Variants in HDX observed in about 807,000 individuals in gnomAD.
The protein encoded by HDX is chromosome X open reading frame 43.
HDX carries 19 observed loss-of-function variants against 45.2 expected under a neutral mutation model. The observed-to-expected ratio is 0.42, with a 90% CI of 0.29 to 0.62. HDX has a LOEUF of 0.62. Among genes scored for constraint, HDX ranks in the 20% least tolerant of loss-of-function variants. The pLI, the probability that HDX is intolerant of heterozygous loss-of-function variation, is 0.20. For missense variants in HDX, 532 were observed against 493.9 expected (o/e 1.08, Z -0.73); for synonymous variants, 188 against 172.8 (o/e 1.09, Z -0.69).
intron 5 of HDX, among the ~76,000 whole-genome samples, chrX:84,380,124 T>C (rs1340673948): frequency 9.1e-6 from 1 of 109,483 alleles, no homozygotes; most frequent in Non-Finnish European, 1.9e-5. Flanking sequence ...ATAGCAGAAA[T>C]GTACAAATTC....
intron 5 of HDX, among the ~76,000 whole-genome samples, chrX:84,435,382 T>C (rs1319107937): frequency 1.8e-5 from 2 of 111,359 alleles, no homozygotes; most frequent in Non-Finnish European, 3.8e-5. Flanking sequence ...TCTGTTCATG[T>C]CCTTTGCCCA....
intron 1 of HDX, among the ~76,000 whole-genome samples, chrX:84,492,715 A>G (rs2040915472): frequency 9.0e-6 from 1 of 111,343 alleles, no homozygotes; most frequent in Admixed American, 9.6e-5. Flanking sequence ...TATGAACCTC[A>G]AATGAAGGAT....
At chrX:84,358,095 G>A (rs1374390532) in intron 6 of HDX, among the ~76,000 whole-genome samples, 2 of 112,004 alleles carry the variant, frequency 1.8e-5, no homozygotes, top group Non-Finnish European at 3.8e-5. Context: ...CATATACATG[G>A]ACTTATACAT....
intron 8 of HDX, among the ~76,000 whole-genome samples, 172 bp downstream of exon 8, chrX:84,336,629 T>A: frequency 1.8e-5 from 2 of 111,731 alleles, no homozygotes; most frequent in South Asian, 7.4e-4. Flanking sequence ...GACAACATTT[T>A]AAATTTTACT....
chrX:84,386,691 G>T (rs1406157462), intron 5 of HDX, among the ~76,000 whole-genome samples: 2 of 111,449 alleles, frequency 1.8e-5, no homozygotes, highest in South Asian at 3.7e-4. Flanking sequence ...GGGATCAGTT[G>T]TAATGTCACT....
At chrX:84,493,728 C>T (rs1009138341) in intron 1 of HDX, among the ~76,000 whole-genome samples, 1 of 111,554 alleles carries the variant, frequency 9.0e-6, no homozygotes, top group Non-Finnish European at 1.9e-5. Flanking sequence ...ATAATATACA[C>T]CTAAAACTAT....
chrX:84,459,334 C>G (rs1168960018), intron 4 of HDX, among the ~76,000 whole-genome samples: 1 of 109,066 alleles, frequency 9.2e-6, no homozygotes, highest in Non-Finnish European at 1.9e-5. Context: ...CCCAGCTGCT[C>G]GGGAGGCTGA....
intron 5 of HDX, among the ~76,000 whole-genome samples, chrX:84,416,926 G>A (rs1311968896): frequency 8.2e-5 from 9 of 110,061 alleles, no homozygotes; most frequent in Non-Finnish European, 1.3e-4. Context: ...AGGCTGAGGC[G>A]GACAGATCAC....
intron 10 of HDX, 91 bp downstream of exon 10, chrX:84,326,087 T>C (rs1251671246): frequency 3.7e-6 from 3 of 813,424 alleles, no homozygotes; most frequent in Admixed American, 2.7e-5. Flanking sequence ...AGAAATGAAG[T>C]ATTAAAATGA....
At chrX:84,333,471 A>G (rs1287115612) in intron 9 of HDX, among the ~76,000 whole-genome samples, 6 of 111,409 alleles carry the variant, frequency 5.4e-5, no homozygotes, top group Non-Finnish European at 1.1e-4. Context: ...GCTTTATAAA[A>G]GCTTTGTCAT....
chrX:84,334,410 A>G (rs999612821), intron 8 of HDX, among the ~76,000 whole-genome samples: 4 of 110,765 alleles, frequency 3.6e-5, no homozygotes, highest in African/African-American at 1.3e-4. Flanking sequence ...TTCACTGAAG[A>G]GTAACAGCCA....
chrX:84,438,306 C>T (rs1238824338), intron 5 of HDX, among the ~76,000 whole-genome samples: 1 of 111,512 alleles, frequency 9.0e-6, no homozygotes, highest in African/African-American at 3.3e-5. Flanking sequence ...AGGAATTAGA[C>T]AATCTTGGCC....
chrX:84,351,726 G>A (rs1488441149), intron 6 of HDX, among the ~76,000 whole-genome samples: 1 of 110,935 alleles, frequency 9.0e-6, no homozygotes, highest in African/African-American at 3.3e-5. Flanking sequence ...TCATTCATGG[G>A]GTCCCATGGT....
chrX:84,473,772 AAAG>A (rs1280843898), intron 3 of HDX, among the ~76,000 whole-genome samples: 185 of 111,331 alleles, frequency 1.7e-3, no homozygotes, highest in African/African-American at 5.8e-3. Flanking sequence ...TGACAAGAAA[AAAG>A]AAAAAAAAAA....
chrX:84,459,450 A>G (rs757676431), intron 4 of HDX, among the ~76,000 whole-genome samples: 1 of 110,915 alleles, frequency 9.0e-6, no homozygotes, highest in Admixed American at 9.5e-5. Context: ...TCAAAAAAAA[A>G]AAAGAAAAAA....
chrX:84,431,562 CTTG>C (rs1369227799), intron 5 of HDX, among the ~76,000 whole-genome samples: 2 of 110,904 alleles, frequency 1.8e-5, no homozygotes, highest in Admixed American at 9.6e-5. Flanking sequence ...TGTGAGATAT[CTTG>C]TTGTGATTTT....
At chrX:84,351,871 C>T (rs1233371750) in intron 6 of HDX, among the ~76,000 whole-genome samples, 1 of 112,079 alleles carries the variant, frequency 8.9e-6, no homozygotes, top group African/African-American at 3.2e-5. Context: ...TCAGAAGCAA[C>T]AGTCTGAAAC....
At chrX:84,363,457 A>G (rs1053244591) in intron 5 of HDX, among the ~76,000 whole-genome samples, 2 of 112,105 alleles carry the variant, frequency 1.8e-5, no homozygotes, top group Non-Finnish European at 3.8e-5. Flanking sequence ...CGCTGATCAC[A>G]CTCAGCTAAT....
chrX:84,464,375 C>T (rs749584213), intron 4 of HDX, among the ~76,000 whole-genome samples: 1 of 111,498 alleles, frequency 9.0e-6, no homozygotes, highest in South Asian at 3.7e-4. Flanking sequence ...CAAGACAATC[C>T]TAAGCAAAAA....
Sources: allele counts gnomAD v4.1 joint callset (sites outside exome capture counted in the v4.1 genomes callset), GRCh38; gene constraint gnomAD v4.1.1; transcripts MANE v1.5; gene names NCBI Gene and HGNC (gene_info 2026-07-23, HGNC 2026-07-21).